Variants in A2M observed in about 807,000 individuals in gnomAD.
A2M encodes the protein C3 and PZP-like alpha-2-macroglobulin domain-containing protein 5.
In A2M, 128 loss-of-function variants were observed where a neutral mutation model predicts 183.9. The ratio of observed to expected loss-of-function variants is 0.70; its 90% CI spans 0.60 to 0.81. The LOEUF (loss-of-function observed/expected upper bound fraction) is 0.81, where lower values mean the gene tolerates loss of function less well. A2M is among the 30% of genes least tolerant of loss of function. A2M has a pLI of 0.00. For synonymous variants in A2M, 592 were observed against 670.8 expected (o/e 0.88, Z 1.81); for missense variants, 1,495 against 1,787.6 (o/e 0.84, Z 2.95).
chr12:9,093,641 T>G, intron 17 of A2M, 62 bp from the exon 18 acceptor site: 2 of 807,554 alleles, frequency 2.5e-6, no homozygotes, highest in Non-Finnish European at 3.5e-6. Flanking sequence ...TGAGAGAATG[T>G]AATAGTTGCC....
intron 25 of A2M, among the ~76,000 whole-genome samples, chr12:9,078,288 G>A (rs1191684392): frequency 2.0e-5 from 3 of 152,140 alleles, no homozygotes; most frequent in Non-Finnish European, 4.4e-5. Flanking sequence ...GAGAAATGTG[G>A]TGTTTGGTTT....
At chr12:9,069,873 G>A (rs762773534) in intron 32 of A2M, 60 bp from the exon 33 acceptor site, 68 of 1,511,486 alleles carry the variant, frequency 4.5e-5, no homozygotes, top group Non-Finnish European at 5.9e-5. Flanking sequence ...GGGGGATCCA[G>A]AGAAAAAATC....
At chr12:9,093,612 A>C in intron 17 of A2M, 33 bp from the exon 18 acceptor site, 1 of 1,287,236 alleles carries the variant, frequency 7.8e-7, no homozygotes, top group Non-Finnish European at 1.1e-6. Context: ...CATTACAATA[A>C]ACATACAGAT....
intron 18 of A2M, 112 bp downstream of exon 18, chr12:9,093,353 C>G: frequency 1.4e-6 from 1 of 699,920 alleles, no homozygotes; most frequent in Non-Finnish European, 2.5e-6. Context: ...ATCAAAACAT[C>G]ATGTTGTACA....
At chr12:9,073,392 G>C (rs775307269) in intron 29 of A2M, among the ~76,000 whole-genome samples, 1 of 152,286 alleles carries the variant, frequency 6.6e-6, no homozygotes, top group East Asian at 1.9e-4. Context: ...TTATCTTCTG[G>C]ATTTAATGAC....
At chr12:9,086,741 C>T (rs1040346872) in intron 22 of A2M, among the ~76,000 whole-genome samples, 3 of 152,092 alleles carry the variant, frequency 2.0e-5, no homozygotes, top group Admixed American at 6.5e-5. Context: ...ACAAGGATAC[C>T]CACTGCCACC....
At chr12:9,081,983 A>C (rs184665327) in intron 22 of A2M, among the ~76,000 whole-genome samples, 1 of 152,200 alleles carries the variant, frequency 6.6e-6, no homozygotes, top group East Asian at 1.9e-4. Context: ...GGGAAGTTCA[A>C]CCTAGCTTGA....
In A2M at chr12:9,068,210, C is replaced by T; in HGVS notation, c.4381G>A (p.Ala1461Thr). The change falls in exon 35 of 36, where the codon GCT (alanine) becomes ACT (threonine). Residue 1461 changes from alanine (A) to threonine (T), a missense_variant. Physicochemically the swap from Ala to Thr is moderately conservative, Grantham distance 58. Transcript: ENST00000318602. The part of the protein sequence containing the change: ...DYYETDEFAI[A>T]EYNAPCSKDL... ...TTGCTGCAAGGAGCATTGTACTCAG[C>T]AATTGCAAACTCATCTGAAAAAAAA... The T allele has an allele frequency of 6.2e-7, 1 of 1,605,514 alleles. No homozygotes were observed.
intron 22 of A2M, among the ~76,000 whole-genome samples, chr12:9,088,572 G>T (rs1949116587): frequency 1.3e-5 from 2 of 152,142 alleles, no homozygotes; most frequent in Non-Finnish European, 2.9e-5. Flanking sequence ...TTTGTAGGTA[G>T]TCAGAGAAAG....
At chr12:9,088,974 G>T (rs1949127805) in intron 22 of A2M, among the ~76,000 whole-genome samples, 1 of 152,140 alleles carries the variant, frequency 6.6e-6, no homozygotes, top group Non-Finnish European at 1.5e-5. Flanking sequence ...AAGTCATTTG[G>T]TGTTTGCACA....
intron 26 of A2M, 65 bp downstream of exon 26, chr12:9,077,636 C>T (rs1259728163): frequency 1.9e-6 from 3 of 1,584,490 alleles, no homozygotes; most frequent in African/African-American, 1.4e-5. Flanking sequence ...CACATTATCA[C>T]TTCCTATCCT....
chr12:9,067,908 T>C, intron 35 of A2M, 69 bp from the exon 36 acceptor site: 1 of 1,463,510 alleles, frequency 6.8e-7, no homozygotes, highest in Non-Finnish European at 9.5e-7. Context: ...ATTCTTTCCC[T>C]TAGTTCTGGG....
intron 29 of A2M, among the ~76,000 whole-genome samples, chr12:9,073,814 G>A (rs936013014): frequency 1.3e-4 from 20 of 152,162 alleles, no homozygotes; most frequent in African/African-American, 3.4e-4. Context: ...GGGGCTGGAC[G>A]CAGTGGCTCA....
chr12:9,089,819 T>C, intron 21 of A2M, 83 bp downstream of exon 21: 4 of 922,726 alleles, frequency 4.3e-6, no homozygotes, highest in Non-Finnish European at 6.1e-6. Flanking sequence ...ATGAGAATAA[T>C]ATTATAAAAT....
intron 7 of A2M, among the ~76,000 whole-genome samples, chr12:9,108,915 G>A (rs745728161): frequency 3.9e-5 from 6 of 152,312 alleles, no homozygotes; most frequent in African/African-American, 1.4e-4. Flanking sequence ...TCAGGTAAAT[G>A]ATCTGTTGAT....
At chr12:9,089,086 G>T in intron 22 of A2M, 114 bp downstream of exon 22, 1 of 820,536 alleles carries the variant, frequency 1.2e-6, no homozygotes, top group Non-Finnish European at 1.9e-6. Flanking sequence ...CAAATGCATT[G>T]ATGGTGCTTC....
At chr12:9,112,297 T>C in intron 3 of A2M, 80 bp downstream of exon 3, 1 of 1,604,638 alleles carries the variant, frequency 6.2e-7, no homozygotes, top group East Asian at 2.2e-5. Flanking sequence ...ACCAAGATTA[T>C]AGGAACTTTG....
At chr12:9,116,002 T>C (rs1939094301), upstream of A2M, 2 of 696,014 alleles carry the variant, frequency 2.9e-6, no homozygotes, top group South Asian at 1.5e-5. Flanking sequence ...CTAAACAAAG[T>C]TGAGGTCTCT....
chr12:9,097,986 G>A (rs1439686792), intron 15 of A2M, among the ~76,000 whole-genome samples: 2 of 152,168 alleles, frequency 1.3e-5, no homozygotes, highest in African/African-American at 4.8e-5. Flanking sequence ...TAGCCTCAGT[G>A]CAGGTATATG....
Sources: allele counts gnomAD v4.1 joint callset (sites outside exome capture counted in the v4.1 genomes callset), GRCh38; gene constraint gnomAD v4.1.1; transcripts MANE v1.5; gene names NCBI Gene and HGNC (gene_info 2026-07-23, HGNC 2026-07-21).